Variants in CTSF observed in about 807,000 individuals in gnomAD.
CTSF encodes the protein cathepsin F.
Under a neutral mutation model 63.5 loss-of-function variants are expected in CTSF, and 65 were observed. The observed-to-expected ratio is 1.02, with a 90% CI of 0.84 to 1.26. CTSF has a LOEUF of 1.26. Ranked by LOEUF, CTSF falls within the 50% of genes most tolerant of loss-of-function variation. CTSF has a pLI of 0.00. For missense variants in CTSF, 641 were observed against 631.0 expected (o/e 1.02, Z -0.17); for synonymous variants, 256 against 258.1 (o/e 0.99, Z 0.08).
chr11:66,565,142 G>GAAGACAT, intron 8 of CTSF, 136 bp from the exon 9 acceptor site: 1 of 1,394,588 alleles, frequency 7.2e-7, no homozygotes, highest in Non-Finnish European at 9.5e-7. Flanking sequence ...TCTGAAGAAT[G>GAAGACAT]TCTTCATTCT....
At position 66,567,645 on chromosome 11, in the gene CTSF, G is replaced by A; in HGVS notation, c.330C>T (p.Val110=). The A allele has an allele frequency of 1.2e-6, 2 of 1,614,038 alleles. No individual in the cohort carries two copies. The highest frequency in any genetic ancestry group is 1.7e-6 in the Non-Finnish European group (2 of 1,180,008). Residue 110 remains valine (V), a synonymous_variant, in exon 3 of 13, where the codon GTC becomes GTT. Coordinates refer to ENST00000310325, the MANE Select transcript of CTSF (RefSeq NM_003793.4). ...GCACGTGTCTTCCGAGCTCATCCAGGACTTGGAAGCTGCAGAGCTGGAGGG... is the reference window on the plus strand; with the variant it reads ...GCACGTGTCTTCCGAGCTCATCCAGAACTTGGAAGCTGCAGAGCTGGAGGG... ...SKKTLLCSFQ[V]LDELGRHVLL...
rs1292833331 is a variant in CTSF at position 66,564,090 on chromosome 11, T to C, written c.1378A>G (p.Lys460Glu). The C allele has an allele frequency of 6.2e-7, 1 of 1,613,642 alleles. No individual in the cohort carries two copies. Among genetic ancestry groups the C allele is most frequent in the South Asian group, 1.1e-5 (1 of 91,004 alleles). ...GGGGCCAAGCCAGCAAGACTCACCT[T>C]CTCACCCCAGTCAGTGCCCCAGCTG... ...KNSWGTDWGE[K>E]GYYYLHRGSG... The change falls in exon 12 of 13, where the codon AAG (lysine) becomes GAG (glutamate). Residue 460 changes from lysine (K) to glutamate (E), a missense_variant and splice_region_variant. Coordinates refer to ENST00000310325, the MANE Select transcript of CTSF (RefSeq NM_003793.4).
chr11:66,568,013 ACAC>A lies in CTSF; in HGVS notation c.280_282del (p.Val94del). ...GTTTTCTTGGACACGGGGAGCCGGC[ACAC>A]CATGGGGTCGTTGCAGGGTGGCTCC... On this transcript the variant is annotated inframe_deletion, in exon 2 of 13. Transcript: ENST00000310325. The A allele has an allele frequency of 6.3e-7, 1 of 1,597,970 alleles. No homozygotes were observed. The highest frequency in any genetic ancestry group is 8.5e-7 in the Non-Finnish European group (1 of 1,173,446).
At position 66,565,856 on chromosome 11, in the gene CTSF, C is replaced by T. The variant is rs114727660; in HGVS notation, c.939G>A (p.Gly313=). ...CCTGTTCAGAGAGGGAGAGCAGGGT[C>T]CCCTGGTTGAGAAACCACTGGCCCT... is the stretch of plus-strand genomic sequence containing the variant. ...NVEGQWFLNQ[G]TLLSLSEQEL... The change falls in exon 7 of 13, where the codon GGG becomes GGA. Residue 313 remains glycine (G), a synonymous_variant. Transcript: ENST00000310325. 2,172 of 1,613,980 alleles carry T rather than the reference C, an allele frequency of 1.3e-3. 29 individuals are homozygous for T. The African/African-American group carries it at 0.025, about 19-fold the overall frequency.
At chr11:66,564,468 C>G in intron 11 of CTSF, 90 bp downstream of exon 11, 1 of 1,181,000 alleles carries the variant, frequency 8.5e-7, no homozygotes, top group Non-Finnish European at 1.2e-6. Context: ...CCTAGGCATT[C>G]CCCCTATTTC....
chr11:66,568,441 C>A lies in CTSF; in HGVS notation c.46G>T (p.Gly16Cys). The A allele has an allele frequency of 7.2e-7, 1 of 1,385,586 alleles. No individual in the cohort carries two copies. Among genetic ancestry groups the A allele is most frequent in the South Asian group, 1.7e-5 (1 of 60,388 alleles). 85.8% of individuals were successfully genotyped at this position (1,385,586 alleles called of 1,614,324 possible). A position where few individuals can be genotyped will look rare whatever the true frequency, so the allele number is the denominator to read the frequency against. The change falls in exon 1 of 13, where the codon GGC (glycine) becomes TGC (cysteine). Residue 16 changes from glycine to cysteine, a missense_variant. Coordinates refer to ENST00000310325, the MANE Select transcript of CTSF (RefSeq NM_003793.4). ...QLLSLLGLLP[G>C]AVAAPAQPRA... Reference sequence around the variant, plus strand: ...GGCTGGGCGGGGGCGGCCACTGCGCCCGGGAGCAGCCCCAGCAGCGACAGG... The same window carrying A: ...GGCTGGGCGGGGGCGGCCACTGCGCACGGGAGCAGCCCCAGCAGCGACAGG...
Position 66,568,525 on chromosome 11 carries a change from T to A in CTSF, c.-39A>T. ...CCGGCGGCCCGGACCCAACAGACGC[T>A]CCACCGACCCACCGGGTACCGAGCC... On this transcript the variant is annotated 5_prime_UTR_variant, in exon 1 of 13. Transcript: ENST00000310325. 6.8e-7 allele frequency: 1 copy of A among 1,480,802 alleles called. No homozygotes were observed. Among genetic ancestry groups the A allele is most frequent in the Non-Finnish European group, 8.9e-7 (1 of 1,122,682 alleles). 91.7% of individuals were successfully genotyped at this position (1,480,802 alleles called of 1,614,324 possible).
chr11:66,564,801 C>A lies in CTSF; in HGVS notation c.1171G>T (p.Ala391Ser). The change falls in exon 10 of 13, where the codon GCA becomes TCA. Residue 391 changes from alanine (A) to serine (S), a missense_variant. Ala to Ser is a moderately conservative substitution (Grantham distance 99). Transcript: ENST00000310325. ...VELSQNEQKLAAWLAKRGPIS... is the reference protein window; with the variant it reads ...VELSQNEQKLSAWLAKRGPIS... Reference sequence around the variant, plus strand: ...GGGCCTCTCTTGGCCAGCCAGGCTGCCAGCTCTGAGATGGGAAGGGGTGGC... The same window carrying A: ...GGGCCTCTCTTGGCCAGCCAGGCTGACAGCTCTGAGATGGGAAGGGGTGGC... The A allele has an allele frequency of 1.9e-6, 3 of 1,613,992 alleles. No homozygotes were observed. The highest frequency in any genetic ancestry group is 2.5e-6 in the Non-Finnish European group (3 of 1,179,898).
At chr11:66,565,113 CA>C (rs1210647462) in intron 8 of CTSF, 107 bp from the exon 9 acceptor site, 1 of 1,475,632 alleles carries the variant, frequency 6.8e-7, no homozygotes, top group Non-Finnish European at 9.0e-7. Flanking sequence ...TCGTCCACCC[CA>C]GGCCACAGGC....
In CTSF at chr11:66,568,445, G is replaced by C. The variant is rs1565313940; in HGVS notation, c.42C>G (p.Leu14=). 7.1e-7 allele frequency: 1 copy of C among 1,399,430 alleles called. No individual in the cohort carries two copies. 86.7% of individuals were successfully genotyped at this position (1,399,430 alleles called of 1,614,324 possible). ...GGGCGGGGGCGGCCACTGCGCCCGG[G>C]AGCAGCCCCAGCAGCGACAGGAGCT... ...WLQLLSLLGL[L]PGAVAAPAQP... is the part of the protein sequence containing the mutation. Residue 14 remains leucine, a synonymous_variant, in exon 1 of 13, where the codon CTC becomes CTG. Coordinates refer to ENST00000310325, the MANE Select transcript of CTSF (RefSeq NM_003793.4).
In CTSF at chr11:66,566,106, C is replaced by T. The variant is rs1857924726; in HGVS notation, c.783G>A (p.Met261Ile). The T allele has an allele frequency of 6.2e-7, 1 of 1,614,178 alleles. No homozygotes were observed. The highest frequency in any genetic ancestry group is 8.5e-7 in the Non-Finnish European group (1 of 1,180,022). The change falls in exon 6 of 13, where the codon ATG (methionine) becomes ATA (isoleucine). Residue 261 changes from methionine to isoleucine, a missense_variant. Physicochemically the swap from Met to Ile is conservative, Grantham distance 10 (BLOSUM62 1). Coordinates refer to ENST00000310325, the MANE Select transcript of CTSF (RefSeq NM_003793.4). ...TLLRKEPGNKMKQAKSVGDLA... is the reference protein window; with the variant it reads ...TLLRKEPGNKIKQAKSVGDLA... ...GGTCACCCACAGACTTGGCTTGCTT[C>T]ATCTTGTTGCCAGGCTCTTTCCTCA... is the stretch of plus-strand genomic sequence containing the variant.
chr11:66,563,647 A>G lies in CTSF; in HGVS notation c.*286T>C. The G allele has an allele frequency of 1.8e-6, 1 of 565,374 alleles. No homozygotes were observed. Among genetic ancestry groups the G allele is most frequent in the Non-Finnish European group, 3.2e-6 (1 of 316,826 alleles). 35.0% of individuals were successfully genotyped at this position (565,374 alleles called of 1,614,324 possible). Reference sequence around the variant, plus strand: ...AAATTTTCTTCCTGCTCATTACCCAAGCCCAGAGTTCTTGCCCCAGCTTCA... The same window carrying G: ...AAATTTTCTTCCTGCTCATTACCCAGGCCCAGAGTTCTTGCCCCAGCTTCA... On this transcript the variant is annotated 3_prime_UTR_variant, in exon 13 of 13. Transcript: ENST00000310325.
intron 1 of CTSF, 34 bp downstream of exon 1, chr11:66,568,240 G>A (rs1358004952): frequency 4.0e-6 from 6 of 1,517,810 alleles, no homozygotes; most frequent in African/African-American, 2.8e-5. Context: ...CCTTGGACCC[G>A]GGCCTGGCGC....
In CTSF at chr11:66,567,085, G is replaced by A. The variant is rs2075792; in HGVS notation, c.607+161C>T. ...TAGGAGAAGGGGCCAGGTACTCAGG[G>A]TGGCTGCCAGGCTGGGAAGGCTTAG... On this transcript the variant is annotated intron_variant, in intron 4 of 12. Transcript: ENST00000310325. Among the ~76,000 whole-genome samples the A allele has an allele frequency of 0.25, 37,793 of 151,912 alleles. 4,930 individuals carry two copies. The highest frequency in any genetic ancestry group is 0.29 in the East Asian group (1,472 of 5,160).
Position 66,563,626 on chromosome 11 carries a change from T to G in CTSF, c.*307A>C. On this transcript the variant is annotated 3_prime_UTR_variant, in exon 13 of 13. Transcript: ENST00000310325. ...AGAGCTGGGCTTAAGATCAGAAAATTTTCTTCCTGCTCATTACCCAAGCCC... is the reference window on the plus strand; with the variant it reads ...AGAGCTGGGCTTAAGATCAGAAAATGTTCTTCCTGCTCATTACCCAAGCCC... 1.8e-6 allele frequency: 1 copy of G among 540,546 alleles called. No homozygotes were observed. Among genetic ancestry groups the G allele is most frequent in the Non-Finnish European group, 3.3e-6 (1 of 302,128 alleles). The allele number at this position is 540,546 out of a possible 1,614,324, so 33.5% of individuals were successfully genotyped here. A position where few individuals can be genotyped will look rare whatever the true frequency, so the allele number is the denominator to read the frequency against.
Position 66,565,015 on chromosome 11 carries a change from C to T in CTSF, c.1046-9G>A, listed in dbSNP as rs1307020516. 18 of 1,549,876 alleles carry T rather than the reference C, an allele frequency of 1.2e-5. No homozygotes were observed. Among genetic ancestry groups the T allele is most frequent in the Middle Eastern group, 1.7e-4 (1 of 5,744 alleles). On this transcript the variant is annotated splice_polypyrimidine_tract_variant and intron_variant, in intron 8 of 12. Transcript: ENST00000310325. The stretch of plus-strand genomic sequence containing the variant: ...CTCTGTCTCCAGCCCTCCTGGGGAA[C>T]GGTGGGGGTGAGTAGAGAAGGGCAG...
Position 66,564,817 on chromosome 11 carries a change from A to G in CTSF, c.1166-11T>C. Reference sequence around the variant, plus strand: ...GCCAGGCTGCCAGCTCTGAGATGGGAAGGGGTGGCATCAGTAGGCACCCAG... The same window carrying G: ...GCCAGGCTGCCAGCTCTGAGATGGGGAGGGGTGGCATCAGTAGGCACCCAG... On this transcript the variant is annotated splice_polypyrimidine_tract_variant and intron_variant, in intron 9 of 12. Coordinates refer to ENST00000310325, the MANE Select transcript of CTSF (RefSeq NM_003793.4). The G allele has an allele frequency of 6.2e-7, 1 of 1,614,050 alleles. No homozygotes were observed. Among genetic ancestry groups the G allele is most frequent in the Non-Finnish European group, 8.5e-7 (1 of 1,180,002 alleles).
chr11:66,563,918 G>A lies in CTSF; in HGVS notation c.*15C>T. On this transcript the variant is annotated 3_prime_UTR_variant, in exon 13 of 13. Transcript: ENST00000310325. ...CACTCTGATCAGCACCAGGTCCCGA[G>A]CTGGGGGCCCCTCTTCAGTCCACCA... 2 of 1,611,798 alleles carry A rather than the reference G, an allele frequency of 1.2e-6. No homozygotes were observed. The highest frequency in any genetic ancestry group is 1.7e-6 in the Non-Finnish European group (2 of 1,179,954).
In CTSF at chr11:66,564,599, C is replaced by G. The variant is rs1355404031; in HGVS notation, c.1280G>C (p.Trp427Ser). ...SRPLRPLCSP[W>S]LIDHAVLLVG... is the part of the protein sequence containing the mutation. ...AAGCAACACCGCATGGTCAATGAGC[C>G]AAGGGCTGCAGAGGGGCCGGAGAGG... The change falls in exon 11 of 13, where the codon TGG (tryptophan) becomes TCG (serine). Residue 427 changes from tryptophan to serine, a missense_variant. Trp to Ser is a radical substitution (Grantham distance 177, BLOSUM62 -3). Transcript: ENST00000310325. The G allele has an allele frequency of 6.3e-7, 1 of 1,594,902 alleles. No homozygotes were observed. Among genetic ancestry groups the G allele is most frequent in the Non-Finnish European group, 8.5e-7 (1 of 1,171,268 alleles).
Sources: gnomAD v4.1 joint callset for allele counts (sites outside exome capture counted in the v4.1 genomes callset) on GRCh38, gnomAD v4.1.1 for gene constraint, MANE v1.5 for transcripts, NCBI Gene and HGNC (gene_info 2026-07-23, HGNC 2026-07-21) for gene names.